MACROD2: variants seen among roughly 807,000 people sequenced by gnomAD.
MACROD2 encodes ADP-ribose glycohydrolase MACROD2.
Under a neutral mutation model 70.4 loss-of-function variants are expected in MACROD2, and 36 were observed. That is an observed-to-expected ratio of 0.51 (90% CI 0.39 to 0.68). MACROD2 has a LOEUF of 0.68. MACROD2 is among the 30% of genes least tolerant of loss of function. The probability of loss-of-function intolerance (pLI) is 0.00; values close to 1 mark genes in which losing one functional copy is unlikely to be tolerated. For synonymous variants in MACROD2, 172 were observed against 178.8 expected (o/e 0.96, Z 0.30); for missense variants, 496 against 538.4 (o/e 0.92, Z 0.78).
chr20:13,997,603 G>A (rs937147743), intron 1 of MACROD2, among the ~76,000 whole-genome samples: 1 of 152,054 alleles, frequency 6.6e-6, no homozygotes, highest in Non-Finnish European at 1.5e-5. Flanking sequence ...TGACCAGCAG[G>A]CATTTTAGAA....
At chr20:14,854,867 T>G (rs1217145052) in intron 5 of MACROD2, among the ~76,000 whole-genome samples, 1 of 151,958 alleles carries the variant, frequency 6.6e-6, no homozygotes, top group African/African-American at 2.4e-5. Flanking sequence ...TTACAGAAAA[T>G]TAGCCGGGTG....
chr20:15,033,815 T>C (rs930046166), intron 5 of MACROD2, among the ~76,000 whole-genome samples: 1 of 152,158 alleles, frequency 6.6e-6, no homozygotes, highest in Non-Finnish European at 1.5e-5. Context: ...AATTGCAATA[T>C]GCATAAAATA....
In MACROD2 at chr20:15,802,380, G is replaced by C. The variant is rs117272401; in HGVS notation, c.646-60365G>C. On this transcript the variant is annotated intron_variant, in intron 8 of 17. Coordinates refer to ENST00000684519, the MANE Select transcript of MACROD2 (RefSeq NM_001351661.2). Reference sequence around the variant, plus strand: ...GCTACCTTGCTACTATGTATAACTTGTTAAGAGTTTTTATAATGAAGGGAT... The same window carrying C: ...GCTACCTTGCTACTATGTATAACTTCTTAAGAGTTTTTATAATGAAGGGAT... 1.4e-3 allele frequency among the ~76,000 whole-genome samples: 210 copies of C among 152,190 alleles called. 1 individual carries two copies. Among genetic ancestry groups the C allele is most frequent in the Non-Finnish European group, 2.4e-3 (160 of 68,000 alleles).
In MACROD2 at chr20:15,389,380, G is replaced by C. The variant is rs139561865; in HGVS notation, c.541-42025G>C. ...TGAAGAAGGAAGAAAGAGGAAGAAA[G>C]GAAGCAGAAGAAAGAGTGAAGTTGA... On this transcript the variant is annotated intron_variant, in intron 6 of 17. Transcript: ENST00000684519. Among the ~76,000 whole-genome samples, 312 of 152,212 alleles carry C rather than the reference G, an allele frequency of 2.0e-3. 1 individual carries two copies. Among genetic ancestry groups the C allele is most frequent in the African/African-American group, 7.3e-3 (302 of 41,532 alleles).
intron 8 of MACROD2, among the ~76,000 whole-genome samples, chr20:15,504,767 A>G (rs893337812): frequency 1.3e-5 from 2 of 152,220 alleles, no homozygotes; most frequent in African/African-American, 2.4e-5. Context: ...ACCTTTCTCT[A>G]AGTGCACCAT....
chr20:15,347,820 A>G (rs1300986489), intron 6 of MACROD2, among the ~76,000 whole-genome samples: 1 of 152,216 alleles, frequency 6.6e-6, no homozygotes, highest in Non-Finnish European at 1.5e-5. Flanking sequence ...CTTCTGACAC[A>G]TAGTGGGCAC....
intron 7 of MACROD2, among the ~76,000 whole-genome samples, chr20:15,474,476 C>T (rs1347614181): frequency 6.6e-6 from 1 of 152,028 alleles, no homozygotes; most frequent in Admixed American, 6.6e-5. Context: ...CTTCTCTCAA[C>T]CTCTAATTTG....
rs530362201 is a variant in MACROD2 at position 15,492,013 on chromosome 20, C to T, written c.572-7761C>T. 2.6e-5 allele frequency among the ~76,000 whole-genome samples: 4 copies of T among 152,368 alleles called. No individual in the cohort carries two copies. The South Asian group carries it at 8.3e-4, about 32-fold the overall frequency. On this transcript the variant is annotated intron_variant, in intron 7 of 17. Coordinates refer to ENST00000684519, the MANE Select transcript of MACROD2 (RefSeq NM_001351661.2). ...ACTGTGGCCACCTCACCCTTGCCTA[C>T]TAGGTGCCCCTTTGTGCTCCTGGGC...
chr20:15,549,620 G>A (rs1027487696), intron 8 of MACROD2, among the ~76,000 whole-genome samples: 6 of 152,132 alleles, frequency 3.9e-5, no homozygotes, highest in Non-Finnish European at 7.3e-5. Flanking sequence ...TCACCTCCAG[G>A]GAGGGAAGAG....
At chr20:15,757,056 G>C (rs1001884689) in intron 8 of MACROD2, among the ~76,000 whole-genome samples, 5 of 152,180 alleles carry the variant, frequency 3.3e-5, no homozygotes, top group African/African-American at 1.2e-4. Flanking sequence ...TCTTGTCTCA[G>C]TTTCTTCAAA....
chr20:15,698,663 T>TA (rs1000480063), intron 8 of MACROD2, among the ~76,000 whole-genome samples: 2 of 152,164 alleles, frequency 1.3e-5, no homozygotes, highest in Non-Finnish European at 2.9e-5. Context: ...TTCCCCCAAA[T>TA]ACGTTTTCCA....
chr20:14,399,827 A>G (rs186106307), intron 3 of MACROD2, among the ~76,000 whole-genome samples: 2 of 151,892 alleles, frequency 1.3e-5, no homozygotes, highest in Admixed American at 1.3e-4. Context: ...CAAGTTTACT[A>G]TTTTTTTCTG....
chr20:14,362,072 T>C (rs2083227390), intron 3 of MACROD2, among the ~76,000 whole-genome samples: 2 of 152,360 alleles, frequency 1.3e-5, no homozygotes, highest in South Asian at 4.1e-4. Flanking sequence ...TGTCAGCTTC[T>C]GTAATGTCCA....
chr20:15,643,574 T>C (rs1289352349), intron 8 of MACROD2, among the ~76,000 whole-genome samples: 4 of 152,242 alleles, frequency 2.6e-5, no homozygotes, highest in African/African-American at 9.6e-5. Context: ...AGCCTTATAG[T>C]CTTATTCACC....
chr20:15,978,500 T>G (rs1243226441), intron 13 of MACROD2, among the ~76,000 whole-genome samples: 1 of 152,096 alleles, frequency 6.6e-6, no homozygotes, highest in Non-Finnish European at 1.5e-5. Flanking sequence ...TATAAACCCC[T>G]CATTTTGTAA....
chr20:15,918,762 G>A (rs774104056), intron 10 of MACROD2, among the ~76,000 whole-genome samples: 3 of 152,200 alleles, frequency 2.0e-5, no homozygotes, highest in Non-Finnish European at 4.4e-5. Context: ...TACGGGTAGT[G>A]TGCTCTATCA....
In MACROD2 at chr20:14,803,533, T is replaced by A. The variant is rs575808307; in HGVS notation, c.418+118574T>A. On this transcript the variant is annotated intron_variant, in intron 5 of 17. Coordinates refer to ENST00000684519, the MANE Select transcript of MACROD2 (RefSeq NM_001351661.2). Reference sequence around the variant, plus strand: ...TCTCACTCTGTTGCCCAGGCTGGAGTTCAATGGTGCAATCTCGGCTCACTG... The same window carrying A: ...TCTCACTCTGTTGCCCAGGCTGGAGATCAATGGTGCAATCTCGGCTCACTG... Among the ~76,000 whole-genome samples, 71 of 152,094 alleles carry A rather than the reference T, an allele frequency of 4.7e-4. 4 individuals carry two copies. The highest frequency in any genetic ancestry group is 6.8e-3 in the Middle Eastern group (2 of 292).
At chr20:15,830,223 A>T (rs937807281) in intron 8 of MACROD2, among the ~76,000 whole-genome samples, 1 of 152,176 alleles carries the variant, frequency 6.6e-6, no homozygotes, top group African/African-American at 2.4e-5. Context: ...AAACGTTCCC[A>T]AATCAAGGGT....
intron 5 of MACROD2, among the ~76,000 whole-genome samples, chr20:14,850,885 A>G (rs954458044): frequency 6.6e-6 from 1 of 152,142 alleles, no homozygotes; most frequent in Non-Finnish European, 1.5e-5. Context: ...TAAAAAAGAT[A>G]ATAGTGTTTT....
Sources: allele counts gnomAD v4.1 joint callset (sites outside exome capture counted in the v4.1 genomes callset), GRCh38; gene constraint gnomAD v4.1.1; transcripts MANE v1.5; gene names NCBI Gene and HGNC (gene_info 2026-07-23, HGNC 2026-07-21).